The following ETF1 variants were observed in gnomAD, a reference collection of about 807,000 sequenced individuals.
ETF1 encodes the protein eukaryotic peptide chain release factor subunit 1.
ETF1 carries 4 observed loss-of-function variants against 55.1 expected under a neutral mutation model. That is an observed-to-expected ratio of 0.07 (90% confidence interval 0.04 to 0.17). The LOEUF is 0.17. Ranked by LOEUF, ETF1 falls within the 10% of genes least tolerant of loss-of-function variation. ETF1 has a pLI of 1.00. For missense variants in ETF1, 142 were observed against 523.6 expected, an observed-to-expected ratio of 0.27 and a Z score of 7.11; for synonymous variants, 157 against 182.3, an observed-to-expected ratio of 0.86 and a Z score of 1.12.
chr5:138,540,374 T>C (rs1002075030), intron 2 of ETF1, among the ~76,000 whole-genome samples: 12 of 152,210 alleles, frequency 7.9e-5, no homozygotes, highest in African/African-American at 2.9e-4. Flanking sequence ...ACAGATTCAT[T>C]TTGCCATCCA....
At position 138,508,938 on chromosome 5, in the gene ETF1, T is replaced by C. The variant is rs1581011479; in HGVS notation, c.1084-122A>G. The C allele has an allele frequency of 2.3e-5, 33 of 1,458,638 alleles. No homozygotes were observed. In the South Asian group the frequency reaches 4.5e-4, roughly 20 times the overall value. 90.4% of individuals were successfully genotyped at this position (1,458,638 alleles called of 1,614,324 possible). On this transcript the variant is annotated intron_variant, in intron 9 of 10. Transcript: ENST00000360541. The stretch of plus-strand genomic sequence containing the variant: ...CCTCCCATTTATAGGCATGTCTGTG[T>C]GTAAAGCTCTGTAAGTCATCTCTGG...
chr5:138,515,720 A>G (rs954953081), intron 4 of ETF1, among the ~76,000 whole-genome samples: 9 of 152,230 alleles, frequency 5.9e-5, no homozygotes, highest in African/African-American at 1.9e-4. Context: ...GCCAGACAAC[A>G]TGGGTACCTG....
chr5:138,511,684 T>G (rs909995101), intron 6 of ETF1, 80 bp from the exon 7 acceptor site: 3 of 1,475,048 alleles, frequency 2.0e-6, no homozygotes, highest in African/African-American at 1.4e-5. Flanking sequence ...TCAAACCCAC[T>G]AACTCTTAAT....
At chr5:138,523,101 GCTCACGC>G (rs1765302939) in intron 2 of ETF1, among the ~76,000 whole-genome samples, 1 of 152,174 alleles carries the variant, frequency 6.6e-6, no homozygotes, top group African/African-American at 2.4e-5. Flanking sequence ...GGGCACAGTG[GCTCACGC>G]CTGTAATCCC....
At chr5:138,534,034 C>G (rs1334188153) in intron 2 of ETF1, among the ~76,000 whole-genome samples, 1 of 152,062 alleles carries the variant, frequency 6.6e-6, no homozygotes, top group Non-Finnish European at 1.5e-5. Flanking sequence ...GGAAAGTTAC[C>G]TGAAATTAGT....
At chr5:138,513,252 G>GA in intron 5 of ETF1, 12 of 976,274 alleles carry the variant, frequency 1.2e-5, no homozygotes, top group Non-Finnish European at 1.5e-5. Context: ...TCTTTTTTGA[G>GA]ACAGAGTCTC....
intron 9 of ETF1, 186 bp from the exon 10 acceptor site, chr5:138,509,002 T>A: frequency 1.0e-6 from 1 of 984,260 alleles, no homozygotes; most frequent in Non-Finnish European, 1.2e-6. Flanking sequence ...GAAATTCGGA[T>A]TATTTCAAAC....
intron 6 of ETF1, among the ~76,000 whole-genome samples, chr5:138,512,258 A>ATATATATATATATATATATATT (rs1484458741): frequency 5.0e-5 from 1 of 20,006 alleles, no homozygotes; most frequent in African/African-American, 1.9e-4. Context: ...ATATATATAT[A>ATATATATATATATATATATATT]TTTTTTTTTT....
rs931858632 is a variant in ETF1, at chr5:138,508,297, T to A, written c.*8A>T. Reference sequence around the variant, plus strand: ...TGAGGCACGTTTTGCCGGACCCATGTCGACTACCTAGTAGTCATCAAGGTC... The same window carrying A: ...TGAGGCACGTTTTGCCGGACCCATGACGACTACCTAGTAGTCATCAAGGTC... On this transcript the variant is annotated 3_prime_UTR_variant, in exon 11 of 11. Coordinates refer to ENST00000360541, the MANE Select transcript of ETF1 (RefSeq NM_004730.4). 2.5e-6 allele frequency: 4 copies of A among 1,612,556 alleles called. No homozygotes were observed. Among genetic ancestry groups the A allele is most frequent in the Non-Finnish European group, 2.5e-6 (3 of 1,179,698 alleles).
intron 4 of ETF1, among the ~76,000 whole-genome samples, chr5:138,514,621 C>T (rs553611112): frequency 1.4e-4 from 21 of 150,144 alleles, no homozygotes; most frequent in Admixed American, 2.7e-4. Context: ...GGCTGGAGTG[C>T]AGTAGCCATC....
At chr5:138,512,099 C>G (rs1383567125) in intron 6 of ETF1, 1 of 143,644 alleles carries the variant, frequency 7.0e-6, no homozygotes, top group Non-Finnish European at 1.5e-5. Flanking sequence ...ACTTGGGAGG[C>G]TGAGCTGGGA....
chr5:138,525,744 G>A (rs959163087), intron 2 of ETF1, among the ~76,000 whole-genome samples: 24 of 151,720 alleles, frequency 1.6e-4, no homozygotes, highest in African/African-American at 2.9e-4. Context: ...TCAGGAGTTC[G>A]AGACCAGCCT....
intron 2 of ETF1, among the ~76,000 whole-genome samples, chr5:138,521,956 G>A (rs943330597): frequency 2.0e-5 from 3 of 152,152 alleles, no homozygotes; most frequent in Admixed American, 1.3e-4. Context: ...ATTCCTGTAA[G>A]TTTCATTTCT....
rs867929502 is a variant in ETF1 at position 138,542,546 on chromosome 5, C to G, written c.86+287G>C. 1.8e-5 allele frequency: 21 copies of G among 1,188,650 alleles called. No homozygotes were observed. In the African/African-American group the frequency reaches 3.2e-4, roughly 18 times the overall value. The allele number at this position is 1,188,650 out of a possible 1,614,324, so 73.6% of individuals were successfully genotyped here. On this transcript the variant is annotated intron_variant, in intron 2 of 10. Coordinates refer to ENST00000360541, the MANE Select transcript of ETF1 (RefSeq NM_004730.4). The stretch of plus-strand genomic sequence containing the variant: ...GGAGCCCGAAGAGGGAGGACCTGGA[C>G]TTAAGGGCCCGGGAGAGGTGCAAAA...
intron 2 of ETF1, among the ~76,000 whole-genome samples, chr5:138,525,044 A>G (rs894462812): frequency 6.6e-6 from 1 of 152,098 alleles, no homozygotes; most frequent in African/African-American, 2.4e-5. Context: ...TCAACCTGAC[A>G]GTTTCCCCCA....
At chr5:138,511,872 G>C in intron 6 of ETF1, 1 of 985,070 alleles carries the variant, frequency 1.0e-6, no homozygotes, top group Admixed American at 6.2e-5. Flanking sequence ...GAGGAAAGGG[G>C]GGACCACTGG....
rs577590752 is a variant in ETF1, at chr5:138,531,878, C to T, written c.86+10955G>A. On this transcript the variant is annotated intron_variant, in intron 2 of 10. Coordinates refer to ENST00000360541, the MANE Select transcript of ETF1 (RefSeq NM_004730.4). ...TGGCTAACAGGGTGAAACCCCATCTCTACTAAAAATGCAAAAAAATTAGCC... is the reference window on the plus strand; with the variant it reads ...TGGCTAACAGGGTGAAACCCCATCTTTACTAAAAATGCAAAAAAATTAGCC... 6.0e-4 allele frequency among the ~76,000 whole-genome samples: 92 copies of T among 152,248 alleles called. 1 individual carries two copies. Among genetic ancestry groups the T allele is most frequent in the African/African-American group, 2.1e-3 (87 of 41,530 alleles).
intron 4 of ETF1, among the ~76,000 whole-genome samples, chr5:138,517,008 A>G (rs1362486246): frequency 6.6e-6 from 1 of 152,178 alleles, no homozygotes; most frequent in Non-Finnish European, 1.5e-5. Flanking sequence ...ATGCTACCAC[A>G]TGGAACCTTA....
chr5:138,532,414 A>G (rs1765740267), intron 2 of ETF1, among the ~76,000 whole-genome samples: 3 of 152,214 alleles, frequency 2.0e-5, no homozygotes, highest in South Asian at 2.1e-4. Context: ...TCACAAGATC[A>G]TGAGGATTCT....
Sources: allele counts gnomAD v4.1 joint callset (sites outside exome capture counted in the v4.1 genomes callset), GRCh38; gene constraint gnomAD v4.1.1; transcripts MANE v1.5; gene names NCBI Gene and HGNC (gene_info 2026-07-23, HGNC 2026-07-21).